Variants in CCSER1 observed in about 807,000 individuals in gnomAD.
CCSER1 encodes the protein serine-rich coiled-coil domain-containing protein 1.
Under a neutral mutation model 82.0 loss-of-function variants are expected in CCSER1, and 41 were observed. That is an observed-to-expected ratio of 0.50 (90% CI 0.39 to 0.65). The LOEUF (loss-of-function observed/expected upper bound fraction) is 0.65. CCSER1 is among the 30% of genes least tolerant of loss of function. The probability of loss-of-function intolerance (pLI) is 0.00; values close to 1 mark genes in which losing one functional copy is unlikely to be tolerated. For missense variants in CCSER1, 1,119 were observed against 1,064.2 expected (o/e 1.05, Z -0.72); for synonymous variants, 414 against 383.9 (o/e 1.08, Z -0.92).
chr4:91,390,526 G>C (rs1751582069), intron 10 of CCSER1, among the ~76,000 whole-genome samples: 1 of 151,674 alleles, frequency 6.6e-6, no homozygotes, highest in South Asian at 2.1e-4. Context: ...GTCTGATTTT[G>C]GTATTAGGGT....
At chr4:90,155,393 T>G (rs1578223094) in intron 1 of CCSER1, among the ~76,000 whole-genome samples, 1 of 152,296 alleles carries the variant, frequency 6.6e-6, no homozygotes, top group East Asian at 1.9e-4. Context: ...GCTGGCCTCA[T>G]AAAATGAGTT....
intron 4 of CCSER1, among the ~76,000 whole-genome samples, chr4:90,443,368 G>T (rs1760176935): frequency 6.6e-6 from 1 of 152,118 alleles, no homozygotes; most frequent in African/African-American, 2.4e-5. Context: ...ACCACAGTCA[G>T]TTAGGTAACT....
chr4:91,159,458 G>T (rs1466945645), intron 10 of CCSER1, among the ~76,000 whole-genome samples: 1 of 151,742 alleles, frequency 6.6e-6, no homozygotes, highest in Non-Finnish European at 1.5e-5. Flanking sequence ...AAACAAGATG[G>T]CATTATGTCT....
At chr4:90,881,331 G>C (rs1279321632) in intron 8 of CCSER1, among the ~76,000 whole-genome samples, 1 of 152,118 alleles carries the variant, frequency 6.6e-6, no homozygotes, top group Non-Finnish European at 1.5e-5. Flanking sequence ...GAGAGAGAGA[G>C]GGGGGAAAGA....
At chr4:90,822,399 A>G (rs1355220008) in intron 8 of CCSER1, among the ~76,000 whole-genome samples, 1 of 152,174 alleles carries the variant, frequency 6.6e-6, no homozygotes, top group African/African-American at 2.4e-5. Flanking sequence ...GGTAAAATGT[A>G]TCAGATACAG....
chr4:91,310,399 C>CA (rs112210328), intron 10 of CCSER1, among the ~76,000 whole-genome samples: 106,167 of 140,154 alleles, frequency 0.76, 39,548 homozygotes, highest in Middle Eastern at 0.82. Context: ...AAAACCAATG[C>CA]AAAAAAAAAA....
At chr4:91,207,204 C>T (rs886739165) in intron 10 of CCSER1, among the ~76,000 whole-genome samples, 6 of 151,744 alleles carry the variant, frequency 4.0e-5, no homozygotes, top group Admixed American at 3.3e-4. Context: ...TTAAGAGTTT[C>T]CTTTAAAATA....
At chr4:90,861,193 C>G (rs2149985136) in intron 8 of CCSER1, among the ~76,000 whole-genome samples, 2 of 151,692 alleles carry the variant, frequency 1.3e-5, no homozygotes, top group Middle Eastern at 3.4e-3. Context: ...AAGATGCAAA[C>G]CTCTGAGTTT....
chr4:91,598,546 C>T, intron 10 of CCSER1, 26 bp from the exon 11 acceptor site: 2 of 1,518,390 alleles, frequency 1.3e-6, no homozygotes, highest in Admixed American at 2.3e-5. Context: ...TTTAAGACAT[C>T]TTTTTCTTTC....
At chr4:90,741,982 C>T (rs1746627739) in intron 7 of CCSER1, among the ~76,000 whole-genome samples, 1 of 152,060 alleles carries the variant, frequency 6.6e-6, no homozygotes, top group South Asian at 2.1e-4. Flanking sequence ...CTCATAGTTC[C>T]ATAGACCATA....
At chr4:90,133,956 A>G (rs542106275) in intron 1 of CCSER1, among the ~76,000 whole-genome samples, 1 of 152,330 alleles carries the variant, frequency 6.6e-6, no homozygotes, top group South Asian at 2.1e-4. Context: ...AAGAAACCTT[A>G]AGAAATATTA....
intron 1 of CCSER1, among the ~76,000 whole-genome samples, chr4:90,187,609 T>G (rs973188361): frequency 4.6e-5 from 7 of 151,944 alleles, no homozygotes; most frequent in African/African-American, 1.7e-4. Flanking sequence ...AAGACATTTG[T>G]AAGAAATCTG....
intron 3 of CCSER1, among the ~76,000 whole-genome samples, chr4:90,331,748 T>A (rs1320410713): frequency 8.5e-5 from 13 of 152,084 alleles, no homozygotes; most frequent in Non-Finnish European, 1.8e-4. Flanking sequence ...CCAATGCATT[T>A]CTTCAGTGAA....
At chr4:91,152,516 A>C (rs962530228) in intron 10 of CCSER1, among the ~76,000 whole-genome samples, 15 of 152,218 alleles carry the variant, frequency 9.9e-5, no homozygotes, top group African/African-American at 3.4e-4. Context: ...CAGCCCATTT[A>C]CATTTAAGGT....
intron 10 of CCSER1, among the ~76,000 whole-genome samples, chr4:91,307,808 T>C (rs551457150): frequency 1.3e-5 from 2 of 152,116 alleles, no homozygotes; most frequent in Admixed American, 1.3e-4. Flanking sequence ...AGTATTGTTC[T>C]GAACTTTAAA....
intron 4 of CCSER1, among the ~76,000 whole-genome samples, chr4:90,421,121 C>T (rs1434495068): frequency 2.0e-5 from 3 of 152,132 alleles, no homozygotes; most frequent in Admixed American, 6.5e-5. Context: ...AATTTCCTAT[C>T]GTGCCTGAGG....
intron 9 of CCSER1, among the ~76,000 whole-genome samples, chr4:91,037,255 C>CACACAT (rs1554059658): frequency 3.5e-5 from 4 of 115,376 alleles, no homozygotes; most frequent in South Asian, 2.6e-4. Context: ...CACACACACA[C>CACACAT]ACATACATAC....
intron 4 of CCSER1, among the ~76,000 whole-genome samples, chr4:90,457,072 T>G (rs1242685134): frequency 2.0e-5 from 3 of 152,196 alleles, no homozygotes; most frequent in African/African-American, 7.2e-5. Context: ...GTCCGGCCAC[T>G]GTGTACAACA....
chr4:91,175,377 A>G (rs1733223397), intron 10 of CCSER1, among the ~76,000 whole-genome samples: 2 of 152,178 alleles, frequency 1.3e-5, no homozygotes, highest in South Asian at 4.1e-4. Context: ...TTCTAGTTCC[A>G]GATCCTTGAG....
Sources: allele counts gnomAD v4.1 joint callset (sites outside exome capture counted in the v4.1 genomes callset), GRCh38; gene constraint gnomAD v4.1.1; transcripts MANE v1.5; gene names NCBI Gene and HGNC (gene_info 2026-07-23, HGNC 2026-07-21).